The following GNAL variants were observed in gnomAD, a reference collection of about 807,000 sequenced individuals.
GNAL encodes G protein subunit alpha L.
Under a neutral mutation model 55.1 loss-of-function variants are expected in GNAL, and 18 were observed. The observed-to-expected ratio is 0.33, with a 90% CI of 0.23 to 0.48. The LOEUF is 0.48. Ranked by LOEUF, GNAL falls within the 20% of genes least tolerant of loss-of-function variation. GNAL has a pLI of 0.99. For synonymous variants in GNAL, 253 were observed against 237.0 expected (o/e 1.07, Z -0.62); for missense variants, 412 against 614.1 (o/e 0.67, Z 3.48).
At chr18:11,753,012 A>C (rs930972620) in intron 2 of GNAL, 87 bp downstream of exon 2, 68 of 711,650 alleles carry the variant, frequency 9.6e-5, no homozygotes, top group Middle Eastern at 2.4e-4. Flanking sequence ...AAACAATTTT[A>C]ATTTATTTGA....
chr18:11,823,945 GTTC>G (rs776776534), intron 4 of GNAL, among the ~76,000 whole-genome samples: 9 of 152,146 alleles, frequency 5.9e-5, no homozygotes, highest in African/African-American at 9.7e-5. Flanking sequence ...GATGAAAAAT[GTTC>G]TTCTTTCAGA....
At chr18:11,876,943 T>C (rs757651505) in intron 11 of GNAL, among the ~76,000 whole-genome samples, 1 of 152,206 alleles carries the variant, frequency 6.6e-6, no homozygotes, top group Non-Finnish European at 1.5e-5. Flanking sequence ...GGCACTTGGA[T>C]GGGCTAGACT....
intron 1 of GNAL, among the ~76,000 whole-genome samples, chr18:11,700,648 G>A (rs910991700): frequency 6.6e-6 from 1 of 152,238 alleles, no homozygotes; most frequent in Non-Finnish European, 1.5e-5. Context: ...TGAGAGGCAG[G>A]TCAACCTGCC....
chr18:11,729,497 T>C (rs1435760456), intron 1 of GNAL, among the ~76,000 whole-genome samples: 4 of 152,172 alleles, frequency 2.6e-5, no homozygotes, highest in Non-Finnish European at 5.9e-5. Context: ...CTTTGAAACA[T>C]TTTCTGACCC....
intron 1 of GNAL, among the ~76,000 whole-genome samples, chr18:11,709,092 T>C (rs974520016): frequency 6.6e-6 from 1 of 152,220 alleles, no homozygotes; most frequent in Non-Finnish European, 1.5e-5. Flanking sequence ...CTTGGCACTC[T>C]TGTCAAAGAT....
At chr18:11,747,117 C>A in intron 1 of GNAL, 1 of 409,416 alleles carries the variant, frequency 2.4e-6, no homozygotes, top group East Asian at 5.9e-5. Flanking sequence ...CAGCGCAGAT[C>A]GAACTGCCCA....
At chr18:11,783,025 A>G (rs2033962914) in intron 4 of GNAL, among the ~76,000 whole-genome samples, 1 of 152,268 alleles carries the variant, frequency 6.6e-6, no homozygotes, top group Non-Finnish European at 1.5e-5. Flanking sequence ...ACATGGTAGA[A>G]TATCAACCAA....
chr18:11,851,573 G>A, intron 5 of GNAL: 4 of 1,612,574 alleles, frequency 2.5e-6, no homozygotes, highest in Non-Finnish European at 2.5e-6. Flanking sequence ...CTGAGTAGGA[G>A]TGCCAAAAAA....
intron 5 of GNAL, among the ~76,000 whole-genome samples, chr18:11,830,326 G>T (rs1598413169): frequency 2.1e-5 from 2 of 95,470 alleles, no homozygotes; most frequent in Admixed American, 1.7e-4. Flanking sequence ...CGCTCTTGTT[G>T]CCCAGGCTGG....
At chr18:11,692,923 A>G (rs1315866125) in intron 1 of GNAL, among the ~76,000 whole-genome samples, 2 of 152,220 alleles carry the variant, frequency 1.3e-5, no homozygotes, top group Non-Finnish European at 2.9e-5. Context: ...CTGGGATTAC[A>G]GGCATGAGCC....
intron 4 of GNAL, among the ~76,000 whole-genome samples, chr18:11,809,163 C>T (rs147385784): frequency 6.6e-6 from 1 of 152,136 alleles, no homozygotes; most frequent in Non-Finnish European, 1.5e-5. Flanking sequence ...GAGTCTGAGG[C>T]AGGAGAATCA....
At chr18:11,844,348 C>T (rs954104532) in intron 5 of GNAL, among the ~76,000 whole-genome samples, 3 of 152,062 alleles carry the variant, frequency 2.0e-5, no homozygotes, top group African/African-American at 4.8e-5. Context: ...GCAGGAGAAT[C>T]GCTTGAACCC....
intron 1 of GNAL, among the ~76,000 whole-genome samples, chr18:11,730,583 G>A (rs2143440039): frequency 6.6e-6 from 1 of 151,978 alleles, no homozygotes; most frequent in Middle Eastern, 3.4e-3. Context: ...GGCCAACATG[G>A]TGAAACCCCA....
Position 11,769,917 on chromosome 18 carries a change from A to T in GNAL, c.624+15972A>T, listed in dbSNP as rs182269580. On this transcript the variant is annotated intron_variant, in intron 4 of 11. Transcript: ENST00000334049. The stretch of plus-strand genomic sequence containing the variant: ...ATACGTAAATGATGAACATTTTTTT[A>T]AAAATATTACCAAATATTGATGGGA... Among the ~76,000 whole-genome samples, 650 of 152,336 alleles carry T rather than the reference A, an allele frequency of 4.3e-3. 4 individuals are homozygous for T. The highest frequency in any genetic ancestry group is 7.0e-3 in the Non-Finnish European group (477 of 68,030).
At chr18:11,843,703 G>A (rs958543559) in intron 5 of GNAL, among the ~76,000 whole-genome samples, 1 of 152,174 alleles carries the variant, frequency 6.6e-6, no homozygotes, top group Admixed American at 6.5e-5. Flanking sequence ...ACCAGGCACA[G>A]TGGCTCACAC....
At position 11,792,073 on chromosome 18, in the gene GNAL, C is replaced by T. The variant is rs569051192; in HGVS notation, c.625-32845C>T. ...TCCAACCTGTCCTGAAACTGAGCAA[C>T]CTCTCCCTTTTTGGCCACTTCCTGT... On this transcript the variant is annotated intron_variant, in intron 4 of 11. Coordinates refer to ENST00000334049, the MANE Select transcript of GNAL (RefSeq NM_182978.4). Among the ~76,000 whole-genome samples, 3 of 152,290 alleles carry T rather than the reference C, an allele frequency of 2.0e-5. No homozygotes were observed. In the South Asian group the frequency reaches 6.2e-4, roughly 32 times the overall value.
chr18:11,805,991 T>C (rs1044204224), intron 4 of GNAL, among the ~76,000 whole-genome samples: 2 of 152,220 alleles, frequency 1.3e-5, no homozygotes, highest in Non-Finnish European at 2.9e-5. Flanking sequence ...CCCTTTTCTC[T>C]CCATCCTCCC....
At chr18:11,771,216 A>T (rs944703657) in intron 4 of GNAL, among the ~76,000 whole-genome samples, 3 of 108,096 alleles carry the variant, frequency 2.8e-5, no homozygotes, top group African/African-American at 1.8e-4. Context: ...GAAACTCTGT[A>T]AAAAAAAAAA....
Position 11,885,138 on chromosome 18 carries a change from A to G in GNAL, c.*4003A>G. Reference sequence around the variant, plus strand: ...TGGCAAATGTTTTCATTTACTTTGAATTTGAAAATGTTAGGGTTTCCTCCA... The same window carrying G: ...TGGCAAATGTTTTCATTTACTTTGAGTTTGAAAATGTTAGGGTTTCCTCCA... On this transcript the variant is annotated 3_prime_UTR_variant, in exon 12 of 12. Coordinates refer to ENST00000334049, the MANE Select transcript of GNAL (RefSeq NM_182978.4). The G allele has an allele frequency of 1.0e-6, 1 of 1,000,422 alleles. No individual in the cohort carries two copies. Among genetic ancestry groups the G allele is most frequent in the Non-Finnish European group, 1.3e-6 (1 of 765,580 alleles). 62.0% of individuals were successfully genotyped at this position (1,000,422 alleles called of 1,614,324 possible).
Sources: gnomAD v4.1 joint callset for allele counts (sites outside exome capture counted in the v4.1 genomes callset) on GRCh38, gnomAD v4.1.1 for gene constraint, MANE v1.5 for transcripts, NCBI Gene and HGNC (gene_info 2026-07-23, HGNC 2026-07-21) for gene names.